The following SLC2A14 variants were observed in gnomAD, a reference collection of about 807,000 sequenced individuals.
SLC2A14 encodes solute carrier family 2, facilitated glucose transporter member 14.
A neutral mutation model predicts 43.0 loss-of-function variants in SLC2A14; 13 were observed. That is an observed-to-expected ratio of 0.30 (90% CI 0.20 to 0.48). The LOEUF (loss-of-function observed/expected upper bound fraction) is 0.48, where lower values mean the gene tolerates loss of function less well. SLC2A14 is among the 20% of genes least tolerant of loss of function. The probability of loss-of-function intolerance (pLI) is 0.99; values close to 1 mark genes in which losing one functional copy is unlikely to be tolerated. For synonymous variants in SLC2A14, 190 were observed against 233.8 expected, an observed-to-expected ratio of 0.81 and a Z score of 1.71; for missense variants, 428 against 620.4, an observed-to-expected ratio of 0.69 and a Z score of 3.29.
upstream of SLC2A14, among the ~76,000 whole-genome samples, chr12:7,876,027 C>T (rs1245044541): frequency 6.6e-6 from 1 of 151,592 alleles, no homozygotes; most frequent in Non-Finnish European, 1.5e-5. Flanking sequence ...GTCTGTAATC[C>T]TAGCACTTCG....
intron 7 of SLC2A14, among the ~76,000 whole-genome samples, chr12:7,827,252 C>G (rs562782436): frequency 6.8e-6 from 1 of 147,784 alleles, no homozygotes; most frequent in Non-Finnish European, 1.5e-5. Flanking sequence ...CGCACCACCA[C>G]GTCCAGCTAA....
intron 2 of SLC2A14, among the ~76,000 whole-genome samples, chr12:7,857,543 G>A (rs1429041695): frequency 2.6e-5 from 4 of 151,754 alleles, no homozygotes; most frequent in African/African-American, 7.3e-5. Flanking sequence ...AGCCAAGATC[G>A]CGCCATTGCA....
chr12:7,876,408 T>C (rs1333590073), upstream of SLC2A14, among the ~76,000 whole-genome samples: 4 of 152,020 alleles, frequency 2.6e-5, no homozygotes, highest in African/African-American at 9.7e-5. Context: ...ACAGTGAATT[T>C]GCTGGGGCCT....
chr12:7,852,348 T>G (rs1277869102), intron 2 of SLC2A14, among the ~76,000 whole-genome samples: 3 of 152,162 alleles, frequency 2.0e-5, no homozygotes, highest in African/African-American at 7.2e-5. Context: ...CAGAAAAATG[T>G]AAACTTTTCC....
chr12:7,890,194 C>T (rs765911673), intron 1 of SLC2A14, among the ~76,000 whole-genome samples: 1 of 152,020 alleles, frequency 6.6e-6, no homozygotes, highest in Admixed American at 6.6e-5. Flanking sequence ...AAGATGGAGT[C>T]GTTCTGGTTC....
At chr12:7,829,719 T>C (rs1864835168) in intron 5 of SLC2A14, 47 bp downstream of exon 5, 1 of 1,600,908 alleles carries the variant, frequency 6.2e-7, no homozygotes, top group African/African-American at 1.3e-5. Context: ...ACTTTTTTAA[T>C]GACCCATGAA....
At position 7,832,597 on chromosome 12, in the gene SLC2A14, T is replaced by G. The variant is rs973863194; in HGVS notation, c.111+125A>C. The G allele has an allele frequency of 2.0e-5, 20 of 1,002,418 alleles. No individual in the cohort carries two copies. In the South Asian group the frequency reaches 3.1e-4, roughly 15 times the overall value. 62.1% of individuals were successfully genotyped at this position (1,002,418 alleles called of 1,614,324 possible). On this transcript the variant is annotated intron_variant, in intron 3 of 10. Transcript: ENST00000431042. ...CTCAAGTGATCTTTAAGCCTCAGCC[T>G]CCGGAGTAGCTGGGACTCCAGGCAG...
upstream of SLC2A14, among the ~76,000 whole-genome samples, chr12:7,874,736 TAAAA>T (rs764352948): frequency 0.029 from 117 of 3,988 alleles, 1 homozygote; most frequent in South Asian, 0.05. Context: ...AAAAAATATA[TAAAA>T]ATATATATAA....
chr12:7,820,384 T>A (rs1863813996), intron 8 of SLC2A14, among the ~76,000 whole-genome samples: 1 of 152,006 alleles, frequency 6.6e-6, no homozygotes, highest in Admixed American at 6.6e-5. Context: ...AGCTGGTGAG[T>A]CAGAAGCACA....
chr12:7,881,749 T>C (rs1258188775), intron 1 of SLC2A14, among the ~76,000 whole-genome samples: 1 of 152,154 alleles, frequency 6.6e-6, no homozygotes, highest in African/African-American at 2.4e-5. Context: ...TGAGTCTAGT[T>C]GGAACTTGGA....
intron 7 of SLC2A14, among the ~76,000 whole-genome samples, chr12:7,825,766 C>CAAAAAAAAAAAAAAAAAAA (rs35156149): frequency 8.2e-6 from 1 of 121,254 alleles, no homozygotes; most frequent in Non-Finnish European, 1.7e-5. Context: ...CTCTGTCTCA[C>CAAAAAAAAAAAAAAAAAAA]AAAAAAAAAA....
Position 7,879,327 on chromosome 12 carries a change from C to CAAACA in SLC2A14, c.132+11668_132+11669insTGTTT, listed in dbSNP as rs767648631. Among the ~76,000 whole-genome samples, 180 of 100,378 alleles carry CAAACA rather than the reference C, an allele frequency of 1.8e-3. 1 individual carries two copies. The highest frequency in any genetic ancestry group is 3.1e-3 in the African/African-American group (89 of 29,020). The allele number at this position is 100,378 out of a possible 152,430, so 65.9% of individuals were successfully genotyped here. The stretch of plus-strand genomic sequence containing the variant: ...CAACTCTGCAAAAAAAAACAAACAA[C>CAAACA]AACAAAAAAAAACAAAAGTTGCACC... On this transcript the variant is annotated intron_variant, in intron 1 of 9. Coordinates refer to the SLC2A14 transcript ENST00000539924.
chr12:7,851,230 C>T (rs1269720598), intron 2 of SLC2A14, among the ~76,000 whole-genome samples: 1 of 152,148 alleles, frequency 6.6e-6, no homozygotes, highest in Non-Finnish European at 1.5e-5. Context: ...AGAAGGTGGT[C>T]TTATGGCTGA....
At chr12:7,841,772 C>CCAAGG (rs754465857) in intron 2 of SLC2A14, among the ~76,000 whole-genome samples, 7 of 151,986 alleles carry the variant, frequency 4.6e-5, no homozygotes, top group Non-Finnish European at 8.8e-5. Flanking sequence ...CTTTGGGAGG[C>CCAAGG]CAAGGTGGGC....
At chr12:7,828,967 A>T in intron 5 of SLC2A14, 101 bp from the exon 6 acceptor site, 2 of 1,428,252 alleles carry the variant, frequency 1.4e-6, no homozygotes, top group South Asian at 2.8e-5. Flanking sequence ...TTACGCCTGT[A>T]ATTCCAGCAC....
At chr12:7,814,831 A>G (rs1225099826) in intron 10 of SLC2A14, among the ~76,000 whole-genome samples, 5 of 151,382 alleles carry the variant, frequency 3.3e-5, no homozygotes, top group African/African-American at 1.2e-4. Context: ...ATGGAGTCTC[A>G]CTCTGTCACC....
chr12:7,887,602 TAGATAGA>T (rs1565592507), intron 1 of SLC2A14, among the ~76,000 whole-genome samples: 11 of 121,958 alleles, frequency 9.0e-5, no homozygotes, highest in East Asian at 5.8e-4. Flanking sequence ...GATAGATAGA[TAGATAGA>T]TAGTTAGATA....
At chr12:7,880,887 C>A (rs993244293) in intron 1 of SLC2A14, among the ~76,000 whole-genome samples, 14 of 152,060 alleles carry the variant, frequency 9.2e-5, no homozygotes, top group African/African-American at 3.4e-4. Context: ...CGCCTGTAAT[C>A]CCAGCACTTT....
intron 2 of SLC2A14, among the ~76,000 whole-genome samples, chr12:7,833,914 T>C (rs919734276): frequency 2.0e-5 from 3 of 152,172 alleles, no homozygotes; most frequent in Non-Finnish European, 2.9e-5. Context: ...TCAATTTCTA[T>C]ACCTGAAGCC....
Sources: allele counts gnomAD v4.1 joint callset (sites outside exome capture counted in the v4.1 genomes callset), GRCh38; gene constraint gnomAD v4.1.1; transcripts MANE v1.5; gene names NCBI Gene and HGNC (gene_info 2026-07-23, HGNC 2026-07-21).